SYNE2: variants seen among roughly 807,000 people sequenced by gnomAD.
The protein encoded by SYNE2 is spectrin repeat containing nuclear envelope protein 2.
In SYNE2, 431 loss-of-function variants were observed where a neutral mutation model predicts 856.3. The ratio of observed to expected loss-of-function variants is 0.50; its 90% CI spans 0.47 to 0.55. The LOEUF is 0.55. Among genes scored for constraint, SYNE2 ranks in the 20% least tolerant of loss-of-function variants. The pLI is 0.00. For missense variants in SYNE2, 8,129 were observed against 8,023.2 expected, an observed-to-expected ratio of 1.01 and a Z score of -0.50; for synonymous variants, 2,923 against 2,872.3, an observed-to-expected ratio of 1.02 and a Z score of -0.56.
intron 1 of SYNE2, among the ~76,000 whole-genome samples, chr14:63,855,240 G>C (rs1353142939): frequency 1.3e-5 from 2 of 152,136 alleles, no homozygotes; most frequent in African/African-American, 4.8e-5. Context: ...TTATCTAGGT[G>C]GGGAATCTAG....
At chr14:64,205,281 T>A (rs559222611) in intron 100 of SYNE2, among the ~76,000 whole-genome samples, 1 of 152,322 alleles carries the variant, frequency 6.6e-6, no homozygotes, top group South Asian at 2.1e-4. Context: ...CTTTCAGTAT[T>A]TTTGTTAAAA....
intron 1 of SYNE2, among the ~76,000 whole-genome samples, chr14:63,803,612 C>G (rs546170194): frequency 1.3e-5 from 2 of 152,220 alleles, no homozygotes; most frequent in African/African-American, 4.8e-5. Context: ...CCTGCAAGCA[C>G]GCACGCAGCC....
At chr14:63,773,760 C>T (rs1887008298) in intron 1 of SYNE2, among the ~76,000 whole-genome samples, 1 of 152,046 alleles carries the variant, frequency 6.6e-6, no homozygotes, top group Non-Finnish European at 1.5e-5. Flanking sequence ...TTATTATGAG[C>T]AAGACTGTCA....
chr14:63,808,033 C>G (rs1409769625), intron 1 of SYNE2, among the ~76,000 whole-genome samples: 5 of 110,678 alleles, frequency 4.5e-5, no homozygotes, highest in Middle Eastern at 8.6e-3. Flanking sequence ...CTCCTAGTCC[C>G]CAAAGTCCAT....
intron 84 of SYNE2, 43 bp downstream of exon 84, chr14:64,146,266 T>C (rs1255868692): frequency 1.3e-6 from 2 of 1,562,902 alleles, no homozygotes; most frequent in Admixed American, 3.8e-5. Flanking sequence ...CGAGCTGGGG[T>C]GATTCGGTCA....
chr14:64,086,702 C>CTTTTT (rs56168321), intron 57 of SYNE2, among the ~76,000 whole-genome samples: 13 of 64,658 alleles, frequency 2.0e-4, no homozygotes, highest in East Asian at 5.1e-4. Context: ...GTATGCAGGT[C>CTTTTT]TTTTTTTTTT....
At chr14:63,862,558 C>T (rs919570338) in intron 1 of SYNE2, among the ~76,000 whole-genome samples, 2 of 151,952 alleles carry the variant, frequency 1.3e-5, no homozygotes, top group African/African-American at 2.4e-5. Context: ...CTTGTCACTA[C>T]CGTGAATACA....
chr14:64,041,926 T>TG (rs2097151747), intron 45 of SYNE2, among the ~76,000 whole-genome samples: 1 of 152,010 alleles, frequency 6.6e-6, no homozygotes, highest in South Asian at 2.1e-4. Flanking sequence ...AGTAATTCAA[T>TG]GTGGAGGATA....
intron 11 of SYNE2, among the ~76,000 whole-genome samples, chr14:63,974,844 G>A (rs2096521589): frequency 8.1e-6 from 1 of 123,638 alleles, no homozygotes; most frequent in Non-Finnish European, 1.6e-5. Flanking sequence ...ACGTGTGTGT[G>A]TGTGTACATG....
chr14:63,899,018 G>A (rs2095298970), intron 1 of SYNE2, among the ~76,000 whole-genome samples: 1 of 152,202 alleles, frequency 6.6e-6, no homozygotes, highest in African/African-American at 2.4e-5. Flanking sequence ...ACAATTAAAA[G>A]TTAATTAAAA....
At chr14:64,152,418 A>G (rs1192502648) in intron 84 of SYNE2, 146 bp from the exon 85 acceptor site, 3 of 768,618 alleles carry the variant, frequency 3.9e-6, no homozygotes, top group Non-Finnish European at 6.2e-6. Flanking sequence ...TAAGAGTATT[A>G]TGATTTAAAT....
At chr14:64,104,389 G>A (rs567003594) in intron 64 of SYNE2, among the ~76,000 whole-genome samples, 3 of 148,704 alleles carry the variant, frequency 2.0e-5, no homozygotes, top group Admixed American at 6.7e-5. Context: ...TTTCTCTTTC[G>A]TCTGTGATGG....
chr14:63,860,030 C>T (rs1170859995), intron 1 of SYNE2, among the ~76,000 whole-genome samples: 1 of 134,330 alleles, frequency 7.4e-6, no homozygotes, highest in Non-Finnish European at 1.5e-5. Flanking sequence ...CTTTGTTGCC[C>T]AGCTGGCTGG....
At chr14:63,918,128 G>T (rs970270045) in intron 2 of SYNE2, among the ~76,000 whole-genome samples, 4 of 151,864 alleles carry the variant, frequency 2.6e-5, no homozygotes, top group African/African-American at 9.7e-5. Flanking sequence ...GTCGGGTGGG[G>T]GTGTAATTAT....
Position 63,981,012 on chromosome 14 carries a change from C to G in SYNE2, c.1675C>G (p.Gln559Glu). 1 of 1,565,502 alleles carries G rather than the reference C, an allele frequency of 6.4e-7. No homozygotes were observed. Among genetic ancestry groups the G allele is most frequent in the South Asian group, 1.1e-5 (1 of 87,250 alleles). The change falls in exon 16 of 116, where the codon CAG becomes GAG. Residue 559 changes from glutamine (Q) to glutamate (E), a missense_variant. This residue lies in a region of SYNE2 where 2,422 missense variants were observed against 2,357.4 expected (regional missense o/e 1.03). Transcript: ENST00000555002. ...TGGAGAATGTCAGAATATTAATAAA[C>G]AGTATATGATGGTGAAATCTGATGT... ...LAGECQNINK[Q>E]YMMVKSDVCM...
intron 7 of SYNE2, 126 bp from the exon 8 acceptor site, chr14:63,954,593 A>AT: frequency 1.3e-6 from 1 of 789,758 alleles, no homozygotes; most frequent in Non-Finnish European, 2.0e-6. Context: ...AAGATAAAAA[A>AT]TTTTATCTAG....
chr14:64,149,163 G>T (rs975896608), intron 84 of SYNE2, among the ~76,000 whole-genome samples: 3 of 151,578 alleles, frequency 2.0e-5, no homozygotes, highest in Non-Finnish European at 4.4e-5. Context: ...AAGTTATCTG[G>T]GCATAGTGTT....
intron 32 of SYNE2, among the ~76,000 whole-genome samples, chr14:64,011,728 G>A (rs1048212192): frequency 6.6e-6 from 1 of 152,086 alleles, no homozygotes; most frequent in Non-Finnish European, 1.5e-5. Context: ...CCCATGCTGC[G>A]TGTGGCCTGT....
intron 6 of SYNE2, among the ~76,000 whole-genome samples, chr14:63,942,761 C>A (rs2095941842): frequency 6.6e-6 from 1 of 152,046 alleles, no homozygotes; most frequent in Admixed American, 6.6e-5. Flanking sequence ...TCCCAAAGTG[C>A]TGAGATTACA....
Sources: allele counts gnomAD v4.1 joint callset (sites outside exome capture counted in the v4.1 genomes callset), GRCh38; gene constraint gnomAD v4.1.1; regional missense constraint gnomAD v4.1.1; transcripts MANE v1.5; gene names NCBI Gene and HGNC (gene_info 2026-07-23, HGNC 2026-07-21).